The following SNX29 variants were observed in gnomAD, a reference collection of about 807,000 sequenced individuals.
The protein encoded by SNX29 is sorting nexin 29.
SNX29 carries 78 observed loss-of-function variants against 102.1 expected under a neutral mutation model. The observed-to-expected ratio is 0.76, with a 90% CI of 0.64 to 0.92. SNX29 has a LOEUF of 0.92. Among genes scored for constraint, SNX29 ranks in the 40% least tolerant of loss-of-function variants. The pLI is 0.00. For synonymous variants in SNX29, 580 were observed against 414.5 expected (o/e 1.40, Z -4.85); for missense variants, 1,280 against 1,061.7 (o/e 1.21, Z -2.86).
intron 16 of SNX29, among the ~76,000 whole-genome samples, chr16:12,384,585 GTTGT>G (rs1284887235): frequency 2.0e-5 from 3 of 152,226 alleles, no homozygotes; most frequent in South Asian, 2.1e-4. Context: ...TTCTTGTTGA[GTTGT>G]TTGAGTTTCT....
At chr16:12,325,186 G>A (rs941249409) in intron 15 of SNX29, among the ~76,000 whole-genome samples, 1 of 152,140 alleles carries the variant, frequency 6.6e-6, no homozygotes, top group Non-Finnish European at 1.5e-5. Flanking sequence ...AATCTGAAAT[G>A]TCTGCATTTT....
chr16:12,566,065 C>A (rs1024299042), intron 20 of SNX29, among the ~76,000 whole-genome samples: 1 of 152,226 alleles, frequency 6.6e-6, no homozygotes, highest in Non-Finnish European at 1.5e-5. Flanking sequence ...TGCCCATTGT[C>A]TCTCTAGGCA....
chr16:12,280,432 G>A (rs1217952856), intron 15 of SNX29, among the ~76,000 whole-genome samples: 1 of 152,228 alleles, frequency 6.6e-6, no homozygotes. Context: ...GGCCAGCTGT[G>A]AGAGGGTGAG....
rs1003625286 is a variant in SNX29 at position 12,568,847 on chromosome 16, G to A, written c.*218G>A. ...GAGACCAAGGCAGCACCTCGCTGGAGAGACTGGGACACACAGTCCTTCTGC... is the reference window on the plus strand; with the variant it reads ...GAGACCAAGGCAGCACCTCGCTGGAAAGACTGGGACACACAGTCCTTCTGC... On this transcript the variant is annotated 3_prime_UTR_variant, in exon 21 of 21. Transcript: ENST00000566228. The A allele has an allele frequency of 2.9e-6, 2 of 689,698 alleles. No individual in the cohort carries two copies. Among genetic ancestry groups the A allele is most frequent in the Non-Finnish European group, 4.7e-6 (2 of 427,854 alleles). 42.7% of individuals were successfully genotyped at this position (689,698 alleles called of 1,614,324 possible).
intron 14 of SNX29, among the ~76,000 whole-genome samples, chr16:12,224,322 C>G (rs988221312): frequency 6.6e-6 from 1 of 152,136 alleles, no homozygotes; most frequent in Admixed American, 6.5e-5. Context: ...ATCCTTATTG[C>G]TTTCTCCGAC....
Position 12,466,069 on chromosome 16 carries a change from C to T in SNX29, c.2038-11650C>T, listed in dbSNP as rs542549419. ...AACAGTGAAAAGCTGAAAGCGTTTG[C>T]TCTAGGATGAAGAACAAAACAACGA... On this transcript the variant is annotated intron_variant, in intron 18 of 20. Coordinates refer to ENST00000566228, the MANE Select transcript of SNX29 (RefSeq NM_032167.5). Among the ~76,000 whole-genome samples the T allele has an allele frequency of 4.6e-5, 7 of 152,260 alleles. No individual in the cohort carries two copies. In the East Asian group the frequency reaches 1.4e-3, roughly 29 times the overall value.
intron 11 of SNX29, among the ~76,000 whole-genome samples, chr16:12,085,390 A>C (rs2151375964): frequency 6.6e-6 from 1 of 152,298 alleles, no homozygotes; most frequent in Non-Finnish European, 1.5e-5. Context: ...GCACTGGTGT[A>C]ATCTCGGCTC....
At chr16:12,171,354 G>C (rs1049202062) in intron 13 of SNX29, among the ~76,000 whole-genome samples, 1 of 152,028 alleles carries the variant, frequency 6.6e-6, no homozygotes, top group Non-Finnish European at 1.5e-5. Context: ...GAGAAAACAC[G>C]CACAGTTAGT....
chr16:12,445,766 T>C (rs1397069685), intron 18 of SNX29, among the ~76,000 whole-genome samples: 1 of 152,208 alleles, frequency 6.6e-6, no homozygotes, highest in Admixed American at 6.5e-5. Context: ...TGGCGTCTAC[T>C]GTATGCCAGG....
intron 20 of SNX29, among the ~76,000 whole-genome samples, chr16:12,549,468 G>A (rs956075209): frequency 2.1e-4 from 31 of 147,614 alleles, no homozygotes; most frequent in East Asian, 2.0e-3. Flanking sequence ...GAACTCCAGC[G>A]TGGGCAACAG....
At chr16:12,114,373 G>C (rs1477915909) in intron 11 of SNX29, among the ~76,000 whole-genome samples, 1 of 152,180 alleles carries the variant, frequency 6.6e-6, no homozygotes, top group Non-Finnish European at 1.5e-5. Context: ...TGGCCATGCT[G>C]GCTTTGCCCC....
At position 12,396,999 on chromosome 16, in the gene SNX29, C is replaced by T. The variant is rs558769836; in HGVS notation, c.1900-1447C>T. 6.9e-4 allele frequency among the ~76,000 whole-genome samples: 105 copies of T among 152,344 alleles called. 1 individual carries two copies. The highest frequency in any genetic ancestry group is 1.0e-3 in the Non-Finnish European group (68 of 68,032). ...CTCCAGGACTCAAGTGATGCTCCCACGTCAGCCTCTGGAGTAGGTGGAACT... is the reference window on the plus strand; with the variant it reads ...CTCCAGGACTCAAGTGATGCTCCCATGTCAGCCTCTGGAGTAGGTGGAACT... On this transcript the variant is annotated intron_variant, in intron 16 of 20. Coordinates refer to ENST00000566228, the MANE Select transcript of SNX29 (RefSeq NM_032167.5).
intron 13 of SNX29, among the ~76,000 whole-genome samples, chr16:12,169,795 G>A (rs2076103177): frequency 6.6e-6 from 1 of 152,060 alleles, no homozygotes; most frequent in Non-Finnish European, 1.5e-5. Flanking sequence ...CCCAGAGGCG[G>A]AGGTTGCAGT....
At chr16:12,477,552 G>C (rs1290331396) in intron 18 of SNX29, among the ~76,000 whole-genome samples, 167 bp from the exon 19 acceptor site, 1 of 152,192 alleles carries the variant, frequency 6.6e-6, no homozygotes, top group African/African-American at 2.4e-5. Flanking sequence ...CATCTGTTCA[G>C]CTAGCACTAA....
intron 16 of SNX29, chr16:12,367,400 C>G (rs1229299680): frequency 6.6e-6 from 1 of 152,224 alleles, no homozygotes; most frequent in Non-Finnish European, 1.5e-5. Flanking sequence ...CTCAATAACA[C>G]CTCATGTGGG....
chr16:12,309,691 C>A (rs1178960791), intron 15 of SNX29, among the ~76,000 whole-genome samples: 1 of 152,186 alleles, frequency 6.6e-6, no homozygotes, highest in Non-Finnish European at 1.5e-5. Flanking sequence ...TGGGTTCTCA[C>A]TCGTTACTTG....
intron 16 of SNX29, among the ~76,000 whole-genome samples, chr16:12,370,326 A>G (rs4780424): frequency 0.88 from 133,533 of 152,108 alleles, 58,769 homozygotes; most frequent in Middle Eastern, 0.95. Context: ...TTGGGAGGCC[A>G]AGGCGAGCGG....
chr16:12,531,319 G>C (rs1011632945), intron 20 of SNX29, among the ~76,000 whole-genome samples: 4 of 152,234 alleles, frequency 2.6e-5, no homozygotes, highest in Non-Finnish European at 4.4e-5. Flanking sequence ...GCCCTGGCAG[G>C]TGTGTGAACT....
At chr16:12,160,423 G>A (rs1055307861) in intron 13 of SNX29, among the ~76,000 whole-genome samples, 1 of 152,214 alleles carries the variant, frequency 6.6e-6, no homozygotes, top group Non-Finnish European at 1.5e-5. Flanking sequence ...GAAGGTCACA[G>A]CCAGAAAAAT....
Sources: gnomAD v4.1 joint callset for allele counts (sites outside exome capture counted in the v4.1 genomes callset) on GRCh38, gnomAD v4.1.1 for gene constraint, MANE v1.5 for transcripts, NCBI Gene and HGNC (gene_info 2026-07-23, HGNC 2026-07-21) for gene names.